Variants in PRKN observed in about 807,000 individuals in gnomAD.
The protein encoded by PRKN is parkin RBR E3 ubiquitin protein ligase.
A neutral mutation model predicts 59.5 loss-of-function variants in PRKN; 56 were observed. The observed-to-expected ratio is 0.94, with a 90% CI of 0.76 to 1.18. The LOEUF is 1.18. PRKN is among the 50% of genes most tolerant of loss of function. PRKN has a pLI of 0.00. For synonymous variants in PRKN, 250 were observed against 222.1 expected (o/e 1.13, Z -1.12); for missense variants, 657 against 596.4 (o/e 1.10, Z -1.06).
At chr6:162,262,825 C>T (rs1779954796) in intron 2 of PRKN, 60 bp from the exon 3 acceptor site, 8 of 1,582,560 alleles carry the variant, frequency 5.1e-6, no homozygotes, top group South Asian at 4.5e-5. Flanking sequence ...ACATGAAATG[C>T]GAGATAGAGT....
intron 4 of PRKN, among the ~76,000 whole-genome samples, chr6:162,140,882 T>C (rs998533741): frequency 6.6e-6 from 1 of 152,208 alleles, no homozygotes; most frequent in East Asian, 1.9e-4. Context: ...TAATCCCAGC[T>C]CTTTGGGAGG....
chr6:161,502,054 G>T lies in PRKN; in HGVS notation c.1083+46800C>A, dbSNP rs1483398548. Among the ~76,000 whole-genome samples the T allele has an allele frequency of 2.0e-5, 3 of 152,124 alleles. No individual in the cohort carries two copies. Among genetic ancestry groups the T allele is most frequent in the East Asian group, 3.9e-4 (2 of 5,172 alleles). On this transcript the variant is annotated intron_variant, in intron 9 of 11. Coordinates refer to ENST00000366898, the MANE Select transcript of PRKN (RefSeq NM_004562.3). The surrounding 1 kb of genome is among the most constrained non-coding windows in gnomAD (Gnocchi z 4.0). ...TGTGAGAAGGAATACCTGGATCACT[G>T]AATCATCTGGGCATAAAAGCTTTTT...
chr6:162,582,785 T>C (rs887958479), intron 1 of PRKN, among the ~76,000 whole-genome samples: 2 of 152,210 alleles, frequency 1.3e-5, no homozygotes, highest in Admixed American at 6.5e-5. Context: ...GTACCTTACA[T>C]GTCTCTGAAT....
chr6:161,587,521 A>G (rs1562543423), intron 7 of PRKN, among the ~76,000 whole-genome samples: 1 of 152,210 alleles, frequency 6.6e-6, no homozygotes, highest in Non-Finnish European at 1.5e-5. Flanking sequence ...TGTTTCAGAT[A>G]AAATTCATCT....
At chr6:162,480,793 C>T (rs148394000) in intron 1 of PRKN, among the ~76,000 whole-genome samples, 321 of 152,096 alleles carry the variant, frequency 2.1e-3, no homozygotes, top group African/African-American at 7.4e-3. Flanking sequence ...TGGAAGGAGA[C>T]AGTGTATTTT....
In PRKN at chr6:161,401,722, A is replaced by G. The variant is rs1787059926; in HGVS notation, c.1084-14845T>C. Among the ~76,000 whole-genome samples, 1 of 152,104 alleles carries G rather than the reference A, an allele frequency of 6.6e-6. No homozygotes were observed. Among genetic ancestry groups the G allele is most frequent in the Non-Finnish European group, 1.5e-5 (1 of 68,006 alleles). On this transcript the variant is annotated intron_variant, in intron 9 of 11. Transcript: ENST00000366898. This position sits in a 1 kb window ranked among gnomAD's most constrained non-coding sequence, Gnocchi z 4.4. ...AATAAATCCCCCAAATGTCTTGAAC[A>G]CTTTCTAGGCTTGTGTCTCTCCATG...
intron 9 of PRKN, among the ~76,000 whole-genome samples, chr6:161,415,574 C>A (rs1012467784): frequency 2.3e-5 from 3 of 129,030 alleles, no homozygotes; most frequent in South Asian, 2.6e-4. Flanking sequence ...GCCTCTCTTA[C>A]AATCCTCAGG....
At chr6:161,872,706 C>T (rs770109872) in intron 6 of PRKN, among the ~76,000 whole-genome samples, 3 of 152,080 alleles carry the variant, frequency 2.0e-5, no homozygotes, top group African/African-American at 4.8e-5. Context: ...CTTCACTCCC[C>T]GGCCCTCCCG....
At chr6:161,889,284 G>A (rs1183592073) in intron 6 of PRKN, among the ~76,000 whole-genome samples, 3 of 152,100 alleles carry the variant, frequency 2.0e-5, no homozygotes, top group East Asian at 1.9e-4. Flanking sequence ...AATGGAGACC[G>A]ATGATCACAC....
chr6:161,440,424 C>G lies in PRKN; in HGVS notation c.1084-53547G>C, dbSNP rs1789151423. 6.6e-6 allele frequency among the ~76,000 whole-genome samples: 1 copy of G among 152,122 alleles called. No individual in the cohort carries two copies. Among genetic ancestry groups the G allele is most frequent in the East Asian group, 1.9e-4 (1 of 5,184 alleles). On this transcript the variant is annotated intron_variant, in intron 9 of 11. Transcript: ENST00000366898. This position sits in a 1 kb window ranked among gnomAD's most constrained non-coding sequence, Gnocchi z 4.1. The stretch of plus-strand genomic sequence containing the variant: ...AACAGTCCCCCTGACAAAGGATTAT[C>G]CCACCCCAAATATCAAGAATGCTGA...
intron 1 of PRKN, among the ~76,000 whole-genome samples, chr6:162,543,902 G>T (rs750728246): frequency 2.6e-5 from 4 of 152,152 alleles, no homozygotes; most frequent in African/African-American, 4.8e-5. Context: ...AGCCGTCCTA[G>T]GCCCTGGACC....
At chr6:162,048,088 G>A (rs994407498) in intron 5 of PRKN, among the ~76,000 whole-genome samples, 1 of 152,046 alleles carries the variant, frequency 6.6e-6, no homozygotes, top group African/African-American at 2.4e-5. Context: ...GAAAAAAAAT[G>A]TTTGATGTAT....
rs1334147958 is a variant in PRKN at position 162,395,776 on chromosome 6, G to A, written c.171+47534C>T. On this transcript the variant is annotated intron_variant, in intron 2 of 11. Coordinates refer to ENST00000366898, the MANE Select transcript of PRKN (RefSeq NM_004562.3). ...GTGGTTTAGCAGTTTGAATTTCAAG[G>A]TGCATATGCTTTAAAATAAAGGGCT... Among the ~76,000 whole-genome samples, 6 of 152,158 alleles carry A rather than the reference G, an allele frequency of 3.9e-5. No homozygotes were observed. The South Asian group carries it at 1.0e-3, about 26-fold the overall frequency.
chr6:161,998,244 T>C (rs2128261515), intron 5 of PRKN, among the ~76,000 whole-genome samples: 1 of 152,142 alleles, frequency 6.6e-6, no homozygotes, highest in African/African-American at 2.4e-5. Context: ...TTCAGCCCAT[T>C]TATCAGCCTT....
At chr6:161,655,510 C>T (rs1196399823) in intron 7 of PRKN, among the ~76,000 whole-genome samples, 3 of 152,254 alleles carry the variant, frequency 2.0e-5, no homozygotes, top group Admixed American at 1.3e-4. Flanking sequence ...AGCCTCTCAC[C>T]TCCGTCAGCA....
chr6:161,579,287 G>T lies in PRKN; in HGVS notation c.872-9871C>A, dbSNP rs1034723201. 1.3e-5 allele frequency among the ~76,000 whole-genome samples: 2 copies of T among 152,168 alleles called. No homozygotes were observed. The highest frequency in any genetic ancestry group is 2.9e-5 in the Non-Finnish European group (2 of 68,026). On this transcript the variant is annotated intron_variant, in intron 7 of 11. Transcript: ENST00000366898. The surrounding 1 kb of genome is among the most constrained non-coding windows in gnomAD (Gnocchi z 4.2). ...TCTGTGGGACTGTCATCCCCCAAGT[G>T]GGTGTAACCAAAAAGGGCACTTAGG... is the stretch of plus-strand genomic sequence containing the variant.
intron 5 of PRKN, among the ~76,000 whole-genome samples, chr6:161,988,193 A>G (rs1289985425): frequency 6.6e-6 from 1 of 152,086 alleles, no homozygotes; most frequent in Non-Finnish European, 1.5e-5. Context: ...TTTTTTTTTT[A>G]ATCTAAAGAA....
chr6:162,128,626 C>T (rs1781219437), intron 4 of PRKN, among the ~76,000 whole-genome samples: 2 of 152,074 alleles, frequency 1.3e-5, no homozygotes, highest in Non-Finnish European at 2.9e-5. Context: ...TTGTCTTGGG[C>T]CCTGTTATTT....
At chr6:161,930,460 T>G (rs980801767) in intron 6 of PRKN, among the ~76,000 whole-genome samples, 1 of 152,174 alleles carries the variant, frequency 6.6e-6, no homozygotes, top group Admixed American at 6.5e-5. Context: ...TTTACACAAT[T>G]TAGTAATCTA....
Sources: allele counts gnomAD v4.1 joint callset (sites outside exome capture counted in the v4.1 genomes callset), GRCh38; gene constraint gnomAD v4.1.1; non-coding constraint Gnocchi (gnomAD v3.1); transcripts MANE v1.5; gene names NCBI Gene and HGNC (gene_info 2026-07-23, HGNC 2026-07-21).